The following VARS1 variants were observed in gnomAD, a reference collection of about 807,000 sequenced individuals.
VARS1 encodes valyl-tRNA synthetase 1.
In VARS1, 92 loss-of-function variants were observed where a neutral mutation model predicts 161.0. The ratio of observed to expected loss-of-function variants is 0.57; its 90% CI spans 0.48 to 0.68. VARS1 has a LOEUF of 0.68. Ranked by LOEUF, VARS1 falls within the 30% of genes least tolerant of loss-of-function variation. VARS1 has a pLI of 0.00. For missense variants in VARS1, 1,338 were observed against 1,695.9 expected (o/e 0.79, Z 3.71); for synonymous variants, 595 against 682.5 (o/e 0.87, Z 2.00).
chr6:31,785,508 T>A lies in VARS1; in HGVS notation c.1265+61A>T. ...GCCAAGGGGTTACAGGTGACAGAGG[T>A]CTTCTGGATAGGGGACAGGGAGGCA... On this transcript the variant is annotated intron_variant, in intron 9 of 29. Coordinates refer to ENST00000375663, the MANE Select transcript of VARS1 (RefSeq NM_006295.3). This position sits in a 1 kb window ranked among gnomAD's most constrained non-coding sequence, Gnocchi z 6.1. 6.5e-7 allele frequency: 1 copy of A among 1,532,976 alleles called. No individual in the cohort carries two copies. Among genetic ancestry groups the A allele is most frequent in the African/African-American group, 1.4e-5 (1 of 73,406 alleles). The allele number at this position is 1,532,976 out of a possible 1,614,324, so 95.0% of individuals were successfully genotyped here. A position where few individuals can be genotyped will look rare whatever the true frequency, so the allele number is the denominator to read the frequency against.
Position 31,777,553 on chromosome 6 carries a change from T to C in VARS1, c.*41A>G. On this transcript the variant is annotated 3_prime_UTR_variant, in exon 30 of 30. Transcript: ENST00000375663. The surrounding 1 kb of genome is among the most constrained non-coding windows in gnomAD (Gnocchi z 5.8). Reference sequence around the variant, plus strand: ...AAATATTTTATTGCTGCCATCCCCATGGTGAGCCGCTGGGGGTGAGGGGTG... The same window carrying C: ...AAATATTTTATTGCTGCCATCCCCACGGTGAGCCGCTGGGGGTGAGGGGTG... 1.2e-6 allele frequency: 2 copies of C among 1,608,280 alleles called. No individual in the cohort carries two copies. Among genetic ancestry groups the C allele is most frequent in the South Asian group, 1.1e-5 (1 of 90,960 alleles).
intron 3 of VARS1, 37 bp from the exon 4 acceptor site, chr6:31,792,932 T>C: frequency 1.2e-6 from 2 of 1,614,198 alleles, no homozygotes; most frequent in Non-Finnish European, 1.7e-6. Context: ...TCAGTCACCC[T>C]ACAGTGAGGT....
In VARS1 at chr6:31,794,823, C is replaced by A; in HGVS notation, c.387+8G>T. The A allele has an allele frequency of 6.3e-7, 1 of 1,585,382 alleles. No homozygotes were observed. The highest frequency in any genetic ancestry group is 2.3e-5 in the East Asian group (1 of 44,430). On this transcript the variant is annotated splice_region_variant and intron_variant, in intron 2 of 29. Transcript: ENST00000375663. Reference sequence around the variant, plus strand: ...CTCCCCTCCCCCTCTTCTGTACAACCCCCTCACCTGGGGGTCCTGGGCCGA... The same window carrying A: ...CTCCCCTCCCCCTCTTCTGTACAACACCCTCACCTGGGGGTCCTGGGCCGA...
intron 13 of VARS1, 48 bp from the exon 14 acceptor site, chr6:31,783,234 G>A (rs769000648): frequency 2.3e-5 from 36 of 1,577,332 alleles, no homozygotes; most frequent in Admixed American, 5.4e-5. Context: ...GCCAGACGCC[G>A]TGATTCCCAC....
rs1218909903 is a variant in VARS1, at chr6:31,784,411, T to C, written c.1559A>G (p.Tyr520Cys). Residue 520 changes from tyrosine to cysteine, a missense_variant, in exon 12 of 30, where the codon TAT (tyrosine) becomes TGT (cysteine). Tyr to Cys is a radical substitution (Grantham distance 194). Coordinates refer to ENST00000375663, the MANE Select transcript of VARS1 (RefSeq NM_006295.3). The surrounding 1 kb of genome is among the most constrained non-coding windows in gnomAD (Gnocchi z 6.1). ...GCTCCTACCTGAGCCTTGGACCTTA[T>C]AGGCAAAGGACACGAGGACCCCGAA... The part of the protein sequence containing the change: ...VEFGVLVSFA[Y>C]KVQGSDSDEE... 7 of 1,614,118 alleles carry C rather than the reference T, an allele frequency of 4.3e-6. No homozygotes were observed. The highest frequency in any genetic ancestry group is 5.9e-6 in the Non-Finnish European group (7 of 1,180,034).
rs949612056 is a variant in VARS1 at position 31,782,315 on chromosome 6, C to T, written c.2120G>A (p.Arg707His). ...GTTGTCCATCCAGGCATGCCATGTG[C>T]GCTGATGGGCCTCAGGCAGGATGCG... ...DLRILPEAHQ[R>H]TWHAWMDNIR... The change falls in exon 17 of 30, where the codon CGC (arginine) becomes CAC (histidine). Residue 707 changes from arginine (R) to histidine (H), a missense_variant. Arg to His is a conservative substitution (Grantham distance 29). Coordinates refer to ENST00000375663, the MANE Select transcript of VARS1 (RefSeq NM_006295.3). This position sits in a 1 kb window ranked among gnomAD's most constrained non-coding sequence, Gnocchi z 8.3. 5.6e-6 allele frequency: 9 copies of T among 1,612,862 alleles called. No homozygotes were observed. Among genetic ancestry groups the T allele is most frequent in the African/African-American group, 5.3e-5 (4 of 74,934 alleles).
rs763222037 is a variant in VARS1 at position 31,791,236 on chromosome 6, G to A, written c.1100+374C>T. Reference sequence around the variant, plus strand: ...ACTAGAAAAAGAAGGGAGAGACTGGGTGTGGTGCCTCACACCTATAATCCC... The same window carrying A: ...ACTAGAAAAAGAAGGGAGAGACTGGATGTGGTGCCTCACACCTATAATCCC... On this transcript the variant is annotated intron_variant, in intron 8 of 29. Coordinates refer to ENST00000375663, the MANE Select transcript of VARS1 (RefSeq NM_006295.3). This position sits in a 1 kb window ranked among gnomAD's most constrained non-coding sequence, Gnocchi z 5.0. Among the ~76,000 whole-genome samples, 37 of 152,178 alleles carry A rather than the reference G, an allele frequency of 2.4e-4. No individual in the cohort carries two copies. The highest frequency in any genetic ancestry group is 6.3e-4 in the African/African-American group (26 of 41,494).
intron 8 of VARS1, among the ~76,000 whole-genome samples, chr6:31,786,226 C>T (rs1264626318): frequency 6.6e-6 from 1 of 152,058 alleles, no homozygotes; most frequent in Admixed American, 6.6e-5. Context: ...TGCCATTGCA[C>T]TCCAGCCTGG....
intron 8 of VARS1, among the ~76,000 whole-genome samples, chr6:31,786,229 C>T (rs1482035521): frequency 6.6e-6 from 1 of 151,982 alleles, no homozygotes. Context: ...CATTGCACTC[C>T]AGCCTGGGTG....
In VARS1 at chr6:31,782,239, T is replaced by C. The variant is rs371388652; in HGVS notation, c.2150+46A>G. On this transcript the variant is annotated intron_variant, in intron 17 of 29. Coordinates refer to ENST00000375663, the MANE Select transcript of VARS1 (RefSeq NM_006295.3). The surrounding 1 kb of genome is among the most constrained non-coding windows in gnomAD (Gnocchi z 8.3). ...GATGGAGCCTGGCCCGAGTGAGCCC[T>C]GCTCAGCCCTCGGCAAGCCCCTCCC... The C allele has an allele frequency of 4.8e-5, 77 of 1,610,468 alleles. No individual in the cohort carries two copies. In the African/African-American group the frequency reaches 7.2e-4, roughly 15 times the overall value.
intron 8 of VARS1, among the ~76,000 whole-genome samples, chr6:31,788,486 C>A (rs1452975096): frequency 1.3e-5 from 2 of 148,422 alleles, no homozygotes; most frequent in Non-Finnish European, 3.0e-5. Flanking sequence ...CCGAGAGAGA[C>A]TCTGTCTCAA....
chr6:31,782,037 C>A lies in VARS1; in HGVS notation c.2241+50G>T. On this transcript the variant is annotated intron_variant, in intron 18 of 29. Coordinates refer to ENST00000375663, the MANE Select transcript of VARS1 (RefSeq NM_006295.3). This position sits in a 1 kb window ranked among gnomAD's most constrained non-coding sequence, Gnocchi z 8.3. Reference sequence around the variant, plus strand: ...TCCCCCCACCAAGGACCCAGTAAACCCACCACTCCAGCAGGGTGTCCCAGC... The same window carrying A: ...TCCCCCCACCAAGGACCCAGTAAACACACCACTCCAGCAGGGTGTCCCAGC... 1 of 1,612,438 alleles carries A rather than the reference C, an allele frequency of 6.2e-7. No homozygotes were observed. The highest frequency in any genetic ancestry group is 8.5e-7 in the Non-Finnish European group (1 of 1,179,144).
At position 31,784,442 on chromosome 6, in the gene VARS1, C is replaced by T. The variant is rs771315052; in HGVS notation, c.1528G>A (p.Val510Met). Residue 510 changes from valine to methionine, a missense_variant, in exon 12 of 30, where the codon GTG (valine) becomes ATG (methionine). Around this residue, in one of 3 missense-constraint regions of VARS1, gnomAD observed 902 missense variants for 1,090.3 expected, o/e 0.83. Transcript: ENST00000375663. The surrounding 1 kb of genome is among the most constrained non-coding windows in gnomAD (Gnocchi z 6.1). ...LLSVPGYKEK[V>M]EFGVLVSFAY... Reference sequence around the variant, plus strand: ...AAGGACACGAGGACCCCGAACTCCACCTTCTCCTTGTAGCCAGGCACGGAG... The same window carrying T: ...AAGGACACGAGGACCCCGAACTCCATCTTCTCCTTGTAGCCAGGCACGGAG... 8.1e-6 allele frequency: 13 copies of T among 1,614,044 alleles called. No homozygotes were observed. The South Asian group carries it at 1.4e-4, about 18-fold the overall frequency.
rs369743615 is a variant in VARS1, at chr6:31,779,821, G to A, written c.3082-7C>T. On this transcript the variant is annotated splice_region_variant and splice_polypyrimidine_tract_variant and intron_variant, in intron 26 of 29. Transcript: ENST00000375663. The surrounding 1 kb of genome is among the most constrained non-coding windows in gnomAD (Gnocchi z 9.1). ...GTACAGGTTTCAGGCACTCCTAGGG[G>A]ACGAGAGGTACAGGGCTCACGGCTG... The A allele has an allele frequency of 1.2e-5, 19 of 1,612,804 alleles. No homozygotes were observed. In the African/African-American group the frequency reaches 2.5e-4, roughly 21 times the overall value.
In VARS1 at chr6:31,782,016, CCCA is replaced by C. The variant is rs1813186346; in HGVS notation, c.2242-67_2242-65del. 6.2e-7 allele frequency: 1 copy of C among 1,612,432 alleles called. No homozygotes were observed. Among genetic ancestry groups the C allele is most frequent in the Non-Finnish European group, 8.5e-7 (1 of 1,179,374 alleles). On this transcript the variant is annotated intron_variant, in intron 18 of 29. Transcript: ENST00000375663. The surrounding 1 kb of genome is among the most constrained non-coding windows in gnomAD (Gnocchi z 8.3). ...GCTTCTGGCTCACCCTGCCCCTCCCCCCACCAAGGACCCAGTAAACCCACCACT... is the reference window on the plus strand; with the variant it reads ...GCTTCTGGCTCACCCTGCCCCTCCCCCCAAGGACCCAGTAAACCCACCACT...
At position 31,778,003 on chromosome 6, in the gene VARS1, C is replaced by T; in HGVS notation, c.3727-341G>A. The T allele has an allele frequency of 2.5e-6, 1 of 404,000 alleles. No homozygotes were observed. The highest frequency in any genetic ancestry group is 4.4e-5 in the East Asian group (1 of 22,654). 25.0% of individuals were successfully genotyped at this position (404,000 alleles called of 1,614,324 possible). ...GTCAGATGATGATGATGATATTGCC[C>T]CCCTCCCAGGGCTCTTGGGAGAACC... On this transcript the variant is annotated intron_variant, in intron 29 of 29. Coordinates refer to ENST00000375663, the MANE Select transcript of VARS1 (RefSeq NM_006295.3). The surrounding 1 kb of genome is among the most constrained non-coding windows in gnomAD (Gnocchi z 5.1).
Position 31,778,901 on chromosome 6 carries a change from C to G in VARS1, c.3726+66G>C, listed in dbSNP as rs956217610. On this transcript the variant is annotated intron_variant, in intron 29 of 29. Coordinates refer to ENST00000375663, the MANE Select transcript of VARS1 (RefSeq NM_006295.3). The surrounding 1 kb of genome is among the most constrained non-coding windows in gnomAD (Gnocchi z 5.1). ...GTTGTCAACACCACTGCACTCGGAC[C>G]AGCCCAGACCAGGGTTTTGATGGAG... 3.1e-6 allele frequency: 5 copies of G among 1,600,304 alleles called. No homozygotes were observed. In the African/African-American group the frequency reaches 5.4e-5, roughly 17 times the overall value.
At chr6:31,790,169 T>A (rs1813777153) in intron 8 of VARS1, among the ~76,000 whole-genome samples, 1 of 151,722 alleles carries the variant, frequency 6.6e-6, no homozygotes, top group South Asian at 2.1e-4. Flanking sequence ...TGTGTTAGGC[T>A]GCATTCAAAG....
Position 31,779,507 on chromosome 6 carries a change from G to A in VARS1, c.3318C>T (p.Ala1106=), listed in dbSNP as rs760160304. The A allele has an allele frequency of 3.1e-6, 5 of 1,612,698 alleles. No individual in the cohort carries two copies. The highest frequency in any genetic ancestry group is 1.1e-5 in the South Asian group (1 of 91,078). The change falls in exon 28 of 30, where the codon GCC becomes GCT. Residue 1106 remains alanine (A), a synonymous_variant. Transcript: ENST00000375663. The surrounding 1 kb of genome is among the most constrained non-coding windows in gnomAD (Gnocchi z 9.1). ...ECSWKDPEAE[A]ALELALSITR... is the part of the protein sequence containing the mutation. ...TGATGCTTAGCGCCAGCTCAAGGGC[G>A]GCTTCTGCCTCGGGGTCCTTCCAGG... is the stretch of plus-strand genomic sequence containing the variant.
Sources: gnomAD v4.1 joint callset for allele counts (sites outside exome capture counted in the v4.1 genomes callset) on GRCh38, gnomAD v4.1.1 for gene constraint, gnomAD v4.1.1 regional missense constraint, Gnocchi (gnomAD v3.1) non-coding constraint, MANE v1.5 for transcripts, NCBI Gene and HGNC (gene_info 2026-07-23, HGNC 2026-07-21) for gene names.